Variants in RBL1 observed in about 807,000 individuals in gnomAD.
RBL1 encodes the protein retinoblastoma-like protein 1.
A neutral mutation model predicts 123.0 loss-of-function variants in RBL1; 82 were observed. That is an observed-to-expected ratio of 0.67 (90% CI 0.56 to 0.80). The LOEUF (loss-of-function observed/expected upper bound fraction) is 0.80, where lower values mean the gene tolerates loss of function less well. Among genes scored for constraint, RBL1 ranks in the 30% least tolerant of loss-of-function variants. The probability of loss-of-function intolerance (pLI) is 0.00; values close to 1 mark genes in which losing one functional copy is unlikely to be tolerated. For synonymous variants in RBL1, 405 were observed against 441.3 expected (o/e 0.92, Z 1.03); for missense variants, 1,171 against 1,299.6 (o/e 0.90, Z 1.52).
chr20:37,095,187 C>T (rs2065712969), intron 1 of RBL1, among the ~76,000 whole-genome samples: 1 of 152,192 alleles, frequency 6.6e-6, no homozygotes, highest in East Asian at 1.9e-4. Flanking sequence ...AGATCAGCTT[C>T]GTGTGCACAT....
At chr20:37,089,729 A>G (rs1175848919) in intron 1 of RBL1, among the ~76,000 whole-genome samples, 1 of 152,038 alleles carries the variant, frequency 6.6e-6, no homozygotes, top group Admixed American at 6.6e-5. Context: ...GCCACATAAC[A>G]TCTTGGTCAA....
intron 21 of RBL1, among the ~76,000 whole-genome samples, chr20:37,000,822 G>C (rs1322824477): frequency 7.8e-6 from 1 of 127,458 alleles, no homozygotes; most frequent in Non-Finnish European, 1.7e-5. Flanking sequence ...GGTGAGGGGC[G>C]CCTCTGCCTG....
chr20:37,074,546 A>G (rs981818021), intron 2 of RBL1, among the ~76,000 whole-genome samples: 5 of 152,190 alleles, frequency 3.3e-5, no homozygotes, highest in African/African-American at 1.2e-4. Context: ...GCTACAATAA[A>G]AAAGATGGAT....
At chr20:37,086,656 A>G (rs1443649058) in intron 2 of RBL1, among the ~76,000 whole-genome samples, 1 of 152,246 alleles carries the variant, frequency 6.6e-6, no homozygotes, top group East Asian at 1.9e-4. Flanking sequence ...GGAATAGCAA[A>G]TAGACAATGA....
chr20:37,090,216 C>G (rs1469825790), intron 1 of RBL1, among the ~76,000 whole-genome samples: 1 of 152,166 alleles, frequency 6.6e-6, no homozygotes, highest in African/African-American at 2.4e-5. Context: ...AGCCCAGGAG[C>G]AACAGGCTAT....
chr20:37,049,179 G>A (rs1356094643), intron 11 of RBL1: 2 of 314,382 alleles, frequency 6.4e-6, no homozygotes, highest in East Asian at 7.3e-5. Flanking sequence ...TCCAGCCAGG[G>A]TGACAGGGCG....
intron 11 of RBL1, 150 bp from the exon 12 acceptor site, chr20:37,047,340 T>C: frequency 1.2e-6 from 1 of 863,864 alleles, no homozygotes; most frequent in Non-Finnish European, 1.7e-6. Flanking sequence ...CTCAAATTGG[T>C]AGTTTTCCTA....
chr20:37,069,400 T>A (rs2065242849), intron 2 of RBL1, among the ~76,000 whole-genome samples: 1 of 150,568 alleles, frequency 6.6e-6, no homozygotes, highest in Non-Finnish European at 1.5e-5. Flanking sequence ...GAGGAGCACC[T>A]CTTCCTCGCC....
chr20:37,009,370 G>A (rs2064119401), intron 19 of RBL1, among the ~76,000 whole-genome samples: 2 of 152,048 alleles, frequency 1.3e-5, no homozygotes, highest in Non-Finnish European at 2.9e-5. Flanking sequence ...TGTTTCAAAG[G>A]ATACTGGCTT....
chr20:37,054,977 G>A (rs564073479), intron 11 of RBL1, among the ~76,000 whole-genome samples: 1 of 152,180 alleles, frequency 6.6e-6, no homozygotes, highest in East Asian at 1.9e-4. Flanking sequence ...AACACAAAGA[G>A]AAACTCTATT....
At chr20:37,092,024 C>T (rs766768913) in intron 1 of RBL1, among the ~76,000 whole-genome samples, 24 of 152,228 alleles carry the variant, frequency 1.6e-4, no homozygotes, top group Non-Finnish European at 3.1e-4. Flanking sequence ...GGGTGGACTG[C>T]TTGAGTTCAG....
chr20:37,073,100 T>C (rs995695878), intron 2 of RBL1, among the ~76,000 whole-genome samples: 2 of 152,010 alleles, frequency 1.3e-5, no homozygotes, highest in African/African-American at 4.8e-5. Flanking sequence ...GGACCACAGG[T>C]ATGTGCCCCC....
intron 4 of RBL1, 40 bp from the exon 5 acceptor site, chr20:37,067,161 A>T (rs1399709260): frequency 6.4e-7 from 1 of 1,571,464 alleles, no homozygotes; most frequent in East Asian, 2.2e-5. Flanking sequence ...CACAAAAACC[A>T]GAAACCTCTC....
intron 11 of RBL1, among the ~76,000 whole-genome samples, chr20:37,047,439 G>C (rs1568855715): frequency 6.6e-6 from 1 of 152,122 alleles, no homozygotes; most frequent in Non-Finnish European, 1.5e-5. Context: ...AATAATAAAA[G>C]TCAGTATTCC....
At chr20:37,069,564 G>T (rs1043937300) in intron 2 of RBL1, among the ~76,000 whole-genome samples, 1 of 144,800 alleles carries the variant, frequency 6.9e-6, no homozygotes, top group Non-Finnish European at 1.6e-5. Context: ...TCTCTGCCCG[G>T]CCGCCCCGTC....
chr20:37,039,165 C>A (rs1372942743), intron 14 of RBL1, among the ~76,000 whole-genome samples: 2 of 152,264 alleles, frequency 1.3e-5, no homozygotes, highest in Non-Finnish European at 2.9e-5. Context: ...GAACTAAAAT[C>A]TTTCCATTGG....
At chr20:37,080,231 A>C (rs755741328) in intron 2 of RBL1, among the ~76,000 whole-genome samples, 11 of 150,304 alleles carry the variant, frequency 7.3e-5, no homozygotes, top group Non-Finnish European at 1.5e-4. Flanking sequence ...ATCTTGGCTC[A>C]CTGCCACCTC....
chr20:37,068,611 C>T (rs184100107), intron 2 of RBL1, among the ~76,000 whole-genome samples: 10 of 152,270 alleles, frequency 6.6e-5, no homozygotes, highest in African/African-American at 2.4e-4. Context: ...TAGTGGTCAT[C>T]ACATAGAGTT....
At chr20:37,001,918 T>TAAAAAAAAAAAA (rs757774894) in intron 21 of RBL1, among the ~76,000 whole-genome samples, 15 of 86,534 alleles carry the variant, frequency 1.7e-4, no homozygotes, top group African/African-American at 2.6e-4. Flanking sequence ...TGCAGAACAA[T>TAAAAAAAAAAAA]AAAAAAAAAA....
Sources: gnomAD v4.1 joint callset for allele counts (sites outside exome capture counted in the v4.1 genomes callset) on GRCh38, gnomAD v4.1.1 for gene constraint, MANE v1.5 for transcripts, NCBI Gene and HGNC (gene_info 2026-07-23, HGNC 2026-07-21) for gene names.